ADGB: variants seen among roughly 807,000 people sequenced by gnomAD.
ADGB encodes the protein calpain-7-like protein.
Under a neutral mutation model 210.5 loss-of-function variants are expected in ADGB, and 172 were observed. That is an observed-to-expected ratio of 0.82 (90% CI 0.72 to 0.93). The LOEUF is 0.93. ADGB is among the 40% of genes least tolerant of loss of function. The pLI is 0.00. For missense variants in ADGB, 2,025 were observed against 1,964.8 expected (o/e 1.03, Z -0.58); for synonymous variants, 658 against 662.7 (o/e 0.99, Z 0.11).
rs887001536 is a variant in ADGB at position 146,740,376 on chromosome 6, T to G, written c.2889-83T>G. 4.8e-6 allele frequency: 6 copies of G among 1,241,166 alleles called. No homozygotes were observed. The East Asian group carries it at 1.3e-4, about 26-fold the overall frequency. 76.9% of individuals were successfully genotyped at this position (1,241,166 alleles called of 1,614,324 possible). On this transcript the variant is annotated intron_variant, in intron 23 of 35. Transcript: ENST00000397944. Reference sequence around the variant, plus strand: ...AATGACTTGCAATATCTTATACTATTTTTTGTCATTTCTTTTTGTAAATAG... The same window carrying G: ...AATGACTTGCAATATCTTATACTATGTTTTGTCATTTCTTTTTGTAAATAG...
chr6:146,648,827 A>G (rs1209352324), intron 3 of ADGB, among the ~76,000 whole-genome samples: 2 of 151,686 alleles, frequency 1.3e-5, no homozygotes, highest in African/African-American at 2.4e-5. Flanking sequence ...ATTATATATT[A>G]ACTAAAATTT....
chr6:146,726,252 C>T (rs181289598), intron 19 of ADGB, 55 bp downstream of exon 19: 94 of 1,266,616 alleles, frequency 7.4e-5, no homozygotes, highest in Non-Finnish European at 9.5e-5. Context: ...GATGGAGTCT[C>T]GCACTGTTGC....
intron 12 of ADGB, among the ~76,000 whole-genome samples, chr6:146,697,585 A>G (rs1454513157): frequency 6.6e-6 from 1 of 152,170 alleles, no homozygotes; most frequent in Non-Finnish European, 1.5e-5. Context: ...AAAATAGATT[A>G]GAAGATAATA....
intron 1 of ADGB, among the ~76,000 whole-genome samples, chr6:146,612,096 A>C (rs1780720740): frequency 6.6e-6 from 1 of 152,196 alleles, no homozygotes; most frequent in African/African-American, 2.4e-5. Context: ...AACATAAGGC[A>C]CTGCAGCCCA....
chr6:146,599,399 G>T (rs917399756), intron 1 of ADGB, among the ~76,000 whole-genome samples: 1 of 152,104 alleles, frequency 6.6e-6, no homozygotes, highest in Admixed American at 6.5e-5. Context: ...AGCCCTCTCA[G>T]GCAGTTAGAA....
intron 12 of ADGB, among the ~76,000 whole-genome samples, chr6:146,695,322 C>T (rs1002453617): frequency 6.6e-5 from 10 of 152,016 alleles, no homozygotes; most frequent in African/African-American, 1.9e-4. Context: ...AGTAACATCA[C>T]CAAATTTTTA....
chr6:146,690,297 C>A (rs1776284801), intron 10 of ADGB, among the ~76,000 whole-genome samples: 1 of 152,068 alleles, frequency 6.6e-6, no homozygotes, highest in African/African-American at 2.4e-5. Flanking sequence ...GCATAGAAAT[C>A]ATTGAGACAA....
At chr6:146,764,137 A>G in intron 28 of ADGB, 37 bp downstream of exon 28, 1 of 1,477,660 alleles carries the variant, frequency 6.8e-7, no homozygotes, top group Non-Finnish European at 9.1e-7. Context: ...GACTGTTCCT[A>G]AAACCCTAAC....
At chr6:146,687,024 CTTT>C (rs1776242490) in intron 10 of ADGB, among the ~76,000 whole-genome samples, 1 of 152,108 alleles carries the variant, frequency 6.6e-6, no homozygotes, top group African/African-American at 2.4e-5. Flanking sequence ...TCTTCCCATT[CTTT>C]CTTCTCCACT....
At chr6:146,774,415 T>C (rs909025235) in intron 29 of ADGB, among the ~76,000 whole-genome samples, 1 of 152,202 alleles carries the variant, frequency 6.6e-6, no homozygotes, top group Non-Finnish European at 1.5e-5. Flanking sequence ...TTTCCTGATA[T>C]CACATTTGAA....
At chr6:146,778,613 CT>C (rs2114640451) in intron 29 of ADGB, among the ~76,000 whole-genome samples, 1 of 152,244 alleles carries the variant, frequency 6.6e-6, no homozygotes, top group East Asian at 1.9e-4. Context: ...TTTTTACTCA[CT>C]TTTAAATCAG....
At chr6:146,803,725 G>T (rs991844764) in intron 35 of ADGB, 5 of 939,496 alleles carry the variant, frequency 5.3e-6, no homozygotes, top group South Asian at 1.5e-5. Context: ...CTTAAGTACC[G>T]GCGCCTCATG....
intron 17 of ADGB, 122 bp from the exon 18 acceptor site, chr6:146,724,064 G>A (rs923062187): frequency 2.3e-5 from 18 of 796,066 alleles, no homozygotes; most frequent in South Asian, 5.0e-5. Context: ...GAACATTTTA[G>A]TAATATTTCT....
chr6:146,713,087 G>C (rs1776682500), intron 13 of ADGB, among the ~76,000 whole-genome samples: 1 of 152,190 alleles, frequency 6.6e-6, no homozygotes, highest in Admixed American at 6.5e-5. Context: ...CGTGTGTCAA[G>C]ATTTCTTCCC....
At chr6:146,631,738 T>A (rs1227533052) in intron 1 of ADGB, among the ~76,000 whole-genome samples, 1 of 151,904 alleles carries the variant, frequency 6.6e-6, no homozygotes, top group East Asian at 1.9e-4. Flanking sequence ...AGCACATAAA[T>A]AAAGGATTAG....
chr6:146,652,569 C>G (rs1316219053), intron 3 of ADGB, among the ~76,000 whole-genome samples: 1 of 151,950 alleles, frequency 6.6e-6, no homozygotes, highest in Non-Finnish European at 1.5e-5. Flanking sequence ...TGAATTATAG[C>G]TCATTTTAAA....
intron 25 of ADGB, among the ~76,000 whole-genome samples, chr6:146,744,874 G>A (rs9322073): frequency 0.51 from 77,261 of 151,972 alleles, 21,310 homozygotes; most frequent in African/African-American, 0.72. Context: ...TTCTGAGTCT[G>A]AGCAAAAACA....
intron 29 of ADGB, among the ~76,000 whole-genome samples, chr6:146,775,605 A>T (rs1379018105): frequency 1.3e-5 from 2 of 152,082 alleles, no homozygotes; most frequent in African/African-American, 4.8e-5. Context: ...TGGATCTTTG[A>T]AGTTGTAATC....
chr6:146,716,860 T>G, intron 14 of ADGB, 23 bp from the exon 15 acceptor site: 1 of 1,518,068 alleles, frequency 6.6e-7, no homozygotes, highest in Non-Finnish European at 8.9e-7. Context: ...ATATAAGATG[T>G]GTTTGACATG....
Sources: allele counts gnomAD v4.1 joint callset (sites outside exome capture counted in the v4.1 genomes callset), GRCh38; gene constraint gnomAD v4.1.1; transcripts MANE v1.5; gene names NCBI Gene and HGNC (gene_info 2026-07-23, HGNC 2026-07-21).